The following DTWD2 variants were observed in gnomAD, a reference collection of about 807,000 sequenced individuals.
The protein encoded by DTWD2 is tRNA-uridine aminocarboxypropyltransferase 2.
DTWD2 carries 39 observed loss-of-function variants against 31.8 expected under a neutral mutation model. The ratio of observed to expected loss-of-function variants is 1.22; its 90% CI spans 0.95 to 1.60. The LOEUF is 1.60. Among genes scored for constraint, DTWD2 ranks in the 40% most tolerant of loss-of-function variants. The pLI, the probability that DTWD2 is intolerant of heterozygous loss-of-function variation, is 0.00. For missense variants in DTWD2, 515 were observed against 381.5 expected, an observed-to-expected ratio of 1.35 and a Z score of -2.92; for synonymous variants, 180 against 142.8, an observed-to-expected ratio of 1.26 and a Z score of -1.86.
chr5:118,933,515 G>T (rs1580418713), intron 3 of DTWD2, among the ~76,000 whole-genome samples: 1 of 152,064 alleles, frequency 6.6e-6, no homozygotes, highest in African/African-American at 2.4e-5. Context: ...ATCAATAAAT[G>T]TAATCACCCA....
chr5:118,892,215 T>C (rs1440803326), intron 4 of DTWD2, among the ~76,000 whole-genome samples: 2 of 152,160 alleles, frequency 1.3e-5, no homozygotes, highest in Non-Finnish European at 2.9e-5. Flanking sequence ...ATTTAGATTT[T>C]ATCAAATACA....
At chr5:118,906,642 C>T (rs1347643782) in intron 4 of DTWD2, among the ~76,000 whole-genome samples, 2 of 152,092 alleles carry the variant, frequency 1.3e-5, no homozygotes, top group African/African-American at 4.8e-5. Context: ...AAAATTCAAA[C>T]TAATCGATAG....
chr5:118,921,470 T>C (rs58235048), intron 4 of DTWD2, among the ~76,000 whole-genome samples: 2,586 of 147,790 alleles, frequency 0.017, 77 homozygotes, highest in African/African-American at 0.062. Flanking sequence ...CAGTGAGCTA[T>C]AATCACACCC....
intron 1 of DTWD2, among the ~76,000 whole-genome samples, chr5:118,948,988 G>A (rs991538326): frequency 2.6e-5 from 4 of 152,196 alleles, no homozygotes; most frequent in Admixed American, 6.5e-5. Flanking sequence ...AGCCAGACAC[G>A]ATCAGCAGGG....
At chr5:118,971,819 G>C (rs191992010) in intron 1 of DTWD2, among the ~76,000 whole-genome samples, 1 of 152,318 alleles carries the variant, frequency 6.6e-6, no homozygotes, top group African/African-American at 2.4e-5. Context: ...TGAAGGTTAA[G>C]AAACTCACTC....
intron 2 of DTWD2, among the ~76,000 whole-genome samples, chr5:118,939,835 T>G (rs531249237): frequency 1.3e-5 from 2 of 152,110 alleles, no homozygotes; most frequent in Admixed American, 1.3e-4. Flanking sequence ...ATGGCTAAAA[T>G]TGAACAATCT....
Position 118,928,581 on chromosome 5 carries a change from T to C in DTWD2, c.553A>G (p.Lys185Glu), listed in dbSNP as rs1753855807. 3 of 1,555,872 alleles carry C rather than the reference T, an allele frequency of 1.9e-6. No individual in the cohort carries two copies. Among genetic ancestry groups the C allele is most frequent in the African/African-American group, 1.4e-5 (1 of 73,440 alleles). Residue 185 changes from lysine (K) to glutamate (E), a missense_variant, in exon 4 of 6, where the codon AAG (lysine) becomes GAG (glutamate). Transcript: ENST00000510708. ...AAGGAGTTCTTATAGAAAATGTCCTTAGCCTGGCTCCATGTACCATCAATG... is the reference window on the plus strand; with the variant it reads ...AAGGAGTTCTTATAGAAAATGTCCTCAGCCTGGCTCCATGTACCATCAATG... ...IIIDGTWSQA[K>E]DIFYKNSLFR... is the part of the protein sequence containing the mutation.
chr5:118,842,063 T>C (rs1444094912), intron 5 of DTWD2, among the ~76,000 whole-genome samples: 2 of 152,166 alleles, frequency 1.3e-5, no homozygotes, highest in African/African-American at 4.8e-5. Context: ...CATTCCTAAC[T>C]ATAATACACA....
At chr5:118,883,441 T>C (rs1752787647) in intron 4 of DTWD2, among the ~76,000 whole-genome samples, 1 of 152,232 alleles carries the variant, frequency 6.6e-6, no homozygotes, top group Admixed American at 6.5e-5. Context: ...AGATTATCTT[T>C]ATAGCAGTAC....
intron 4 of DTWD2, among the ~76,000 whole-genome samples, chr5:118,895,360 G>A (rs1036113287): frequency 6.6e-6 from 1 of 152,090 alleles, no homozygotes; most frequent in Non-Finnish European, 1.5e-5. Flanking sequence ...TAATTGAAGA[G>A]GACATACAAA....
rs1437426748 is a variant in DTWD2, at chr5:118,836,134, T to C, written c.*4783A>G. 2.0e-5 allele frequency among the ~76,000 whole-genome samples: 3 copies of C among 152,324 alleles called. No homozygotes were observed. The East Asian group carries it at 5.8e-4, about 29-fold the overall frequency. On this transcript the variant is annotated 3_prime_UTR_variant, in exon 6 of 6. Transcript: ENST00000510708. The stretch of plus-strand genomic sequence containing the variant: ...TCTAAGTAACAATAACAGTAAGACA[T>C]ATAGTAAAATTTCTTATTCGAATAA...
intron 1 of DTWD2, among the ~76,000 whole-genome samples, chr5:118,948,227 G>A (rs939420552): frequency 1.3e-5 from 2 of 152,248 alleles, no homozygotes; most frequent in South Asian, 4.1e-4. Context: ...TGTAATCCCA[G>A]CACTTTGGGA....
intron 4 of DTWD2, among the ~76,000 whole-genome samples, chr5:118,880,158 T>A (rs1414364923): frequency 3.9e-5 from 6 of 152,216 alleles, no homozygotes; most frequent in African/African-American, 1.4e-4. Context: ...TTTGTCACTG[T>A]AAGCTATTTG....
Position 118,840,818 on chromosome 5 carries a change from C to T in DTWD2, c.*99G>A. 7.7e-7 allele frequency: 1 copy of T among 1,306,794 alleles called. No individual in the cohort carries two copies. The highest frequency in any genetic ancestry group is 1.8e-5 in the South Asian group (1 of 56,114). 80.9% of individuals were successfully genotyped at this position (1,306,794 alleles called of 1,614,324 possible). ...GTAAGATTAGTATGCAATTCTCCTT[C>T]TTTAGCAAGTCAAAAACCTACAGAC... On this transcript the variant is annotated 3_prime_UTR_variant, in exon 6 of 6. Coordinates refer to ENST00000510708, the MANE Select transcript of DTWD2 (RefSeq NM_173666.4).
At chr5:118,887,918 G>A (rs776949197) in intron 4 of DTWD2, among the ~76,000 whole-genome samples, 1 of 152,126 alleles carries the variant, frequency 6.6e-6, no homozygotes, top group Admixed American at 6.5e-5. Flanking sequence ...TGGGATTACA[G>A]GCATGAGTTA....
At chr5:118,915,260 T>C (rs1356366737) in intron 4 of DTWD2, among the ~76,000 whole-genome samples, 1 of 152,060 alleles carries the variant, frequency 6.6e-6, no homozygotes, top group Non-Finnish European at 1.5e-5. Context: ...AAAGCCTGTA[T>C]CATGTTTAGT....
At chr5:118,976,407 G>A (rs1281682128) in intron 1 of DTWD2, among the ~76,000 whole-genome samples, 1 of 152,074 alleles carries the variant, frequency 6.6e-6, no homozygotes, top group African/African-American at 2.4e-5. Flanking sequence ...AGGAGCTGGT[G>A]TTTTGAAAAG....
chr5:118,966,698 GTTGC>G (rs1754857774), intron 1 of DTWD2, among the ~76,000 whole-genome samples: 1 of 152,094 alleles, frequency 6.6e-6, no homozygotes, highest in African/African-American at 2.4e-5. Context: ...CTCCTAGTAT[GTTGC>G]TTTCCCTAAC....
At chr5:118,965,208 C>T (rs550264852) in intron 1 of DTWD2, among the ~76,000 whole-genome samples, 17 of 151,592 alleles carry the variant, frequency 1.1e-4, no homozygotes, top group East Asian at 2.0e-4. Flanking sequence ...GCCCAGCAGC[C>T]GCCCCATCTG....
Sources: allele counts gnomAD v4.1 joint callset (sites outside exome capture counted in the v4.1 genomes callset), GRCh38; gene constraint gnomAD v4.1.1; transcripts MANE v1.5; gene names NCBI Gene and HGNC (gene_info 2026-07-23, HGNC 2026-07-21).